The following PDZD8 variants were observed in gnomAD, a reference collection of about 807,000 sequenced individuals.
PDZD8 encodes PDZ domain containing 8.
Under a neutral mutation model 85.8 loss-of-function variants are expected in PDZD8, and 14 were observed. The observed-to-expected ratio is 0.16, with a 90% CI of 0.11 to 0.26. PDZD8 has a LOEUF of 0.26. PDZD8 is among the 10% of genes least tolerant of loss of function. The pLI is 1.00. For synonymous variants in PDZD8, 592 were observed against 568.6 expected, an observed-to-expected ratio of 1.04 and a Z score of -0.59; for missense variants, 1,197 against 1,424.3, an observed-to-expected ratio of 0.84 and a Z score of 2.57.
intron 1 of PDZD8, among the ~76,000 whole-genome samples, chr10:117,368,851 G>GTTTT (rs3034161): frequency 2.7e-4 from 27 of 99,066 alleles, no homozygotes; most frequent in Non-Finnish European, 4.0e-4. Context: ...TATTGACAAT[G>GTTTT]TTTTTTTTTT....
At chr10:117,356,492 G>A (rs1219424152) in intron 1 of PDZD8, among the ~76,000 whole-genome samples, 1 of 152,026 alleles carries the variant, frequency 6.6e-6, no homozygotes, top group Non-Finnish European at 1.5e-5. Flanking sequence ...AGTCTAATTA[G>A]ACCTGAGTCT....
rs1451075459 is a variant in PDZD8 at position 117,300,788 on chromosome 10, C to T, written c.1099-10440G>A. 3.3e-5 allele frequency among the ~76,000 whole-genome samples: 5 copies of T among 152,126 alleles called. 1 individual carries two copies. Among genetic ancestry groups the T allele is most frequent in the Non-Finnish European group, 5.9e-5 (4 of 68,024 alleles). On this transcript the variant is annotated intron_variant, in intron 3 of 4. Coordinates refer to ENST00000334464, the MANE Select transcript of PDZD8 (RefSeq NM_173791.5). The stretch of plus-strand genomic sequence containing the variant: ...AAGAAGCCTGAGAGAACACCCTTAT[C>T]CCTTCTGCCATGTGAGGACATAGGG...
intron 3 of PDZD8, among the ~76,000 whole-genome samples, chr10:117,312,090 C>A (rs1363418184): frequency 2.0e-5 from 3 of 152,042 alleles, no homozygotes; most frequent in Non-Finnish European, 4.4e-5. Flanking sequence ...CCTCTCATGG[C>A]ATACAGCAGG....
At chr10:117,307,300 A>G (rs1425347973) in intron 3 of PDZD8, among the ~76,000 whole-genome samples, 2 of 152,038 alleles carry the variant, frequency 1.3e-5, no homozygotes. Flanking sequence ...TATATAACTT[A>G]TCTTACACAG....
Position 117,285,043 on chromosome 10 carries a change from G to A in PDZD8, c.1690C>T (p.Pro564Ser), listed in dbSNP as rs1360687055. ...PKIQSKDGNK[P>S]PPLKTSEITD... Reference sequence around the variant, plus strand: ...ATCTCAGAAGTTTTTAGGGGTGGAGGTTTATTTCCATCTTTGGACTGAATT... The same window carrying A: ...ATCTCAGAAGTTTTTAGGGGTGGAGATTTATTTCCATCTTTGGACTGAATT... Residue 564 changes from proline (P) to serine (S), a missense_variant, in exon 5 of 5, where the codon CCT (proline) becomes TCT (serine). Pro to Ser is a moderately conservative substitution (Grantham distance 74). Coordinates refer to ENST00000334464, the MANE Select transcript of PDZD8 (RefSeq NM_173791.5). 1 of 1,613,850 alleles carries A rather than the reference G, an allele frequency of 6.2e-7. No individual in the cohort carries two copies. Among genetic ancestry groups the A allele is most frequent in the Non-Finnish European group, 8.5e-7 (1 of 1,179,800 alleles).
chr10:117,364,211 A>AGTGT (rs1364760339), intron 1 of PDZD8, among the ~76,000 whole-genome samples: 1 of 147,976 alleles, frequency 6.8e-6, no homozygotes, highest in African/African-American at 2.6e-5. Context: ...TGTGTGTGAG[A>AGTGT]GTGTGTGTGT....
chr10:117,285,879 G>C (rs1033585340), intron 4 of PDZD8: 1 of 304,690 alleles, frequency 3.3e-6, no homozygotes, highest in Non-Finnish European at 4.8e-6. Flanking sequence ...GGAAAGCTGT[G>C]ATTCCACTGA....
chr10:117,292,040 C>T (rs1844776801), intron 3 of PDZD8, among the ~76,000 whole-genome samples: 2 of 152,176 alleles, frequency 1.3e-5, no homozygotes, highest in African/African-American at 4.8e-5. Context: ...AAATATATCA[C>T]TGGCTGCACT....
At chr10:117,339,731 G>C (rs76320328) in intron 2 of PDZD8, among the ~76,000 whole-genome samples, 4,918 of 152,312 alleles carry the variant, frequency 0.032, 86 homozygotes, top group South Asian at 0.039. Flanking sequence ...GCAACAGAGA[G>C]CATGTGAATC....
intron 1 of PDZD8, among the ~76,000 whole-genome samples, chr10:117,370,918 TTGTGTGTGTG>T (rs71475194): frequency 6.8e-5 from 10 of 146,448 alleles, no homozygotes; most frequent in Admixed American, 1.4e-4. Context: ...ACAACATAGT[TTGTGTGTGTG>T]TGTGTGTGTG....
intron 1 of PDZD8, among the ~76,000 whole-genome samples, chr10:117,367,814 G>A (rs539781455): frequency 1.2e-4 from 18 of 152,170 alleles, no homozygotes; most frequent in African/African-American, 4.3e-4. Context: ...CACGCCTGTG[G>A]GAGGCTGAGG....
rs141567909 is a variant in PDZD8 at position 117,317,736 on chromosome 10, T to C, written c.1098+1136A>G. On this transcript the variant is annotated intron_variant, in intron 3 of 4. Coordinates refer to ENST00000334464, the MANE Select transcript of PDZD8 (RefSeq NM_173791.5). The stretch of plus-strand genomic sequence containing the variant: ...CTAGTTATTTCAATCTTCTGAGGAA[T>C]TGCTTCAAATTGTTTGAGATATAAC... Among the ~76,000 whole-genome samples the C allele has an allele frequency of 3.1e-3, 468 of 152,274 alleles. 6 individuals carry two copies. Among genetic ancestry groups the C allele is most frequent in the African/African-American group, 0.011 (447 of 41,534 alleles).
chr10:117,309,342 C>T (rs555878272), intron 3 of PDZD8, among the ~76,000 whole-genome samples: 2 of 151,756 alleles, frequency 1.3e-5, no homozygotes, highest in African/African-American at 4.8e-5. Context: ...AACCTCAAAG[C>T]ATTCAACTTA....
In PDZD8 at chr10:117,283,432, T is replaced by C. The variant is rs201848314; in HGVS notation, c.3301A>G (p.Ile1101Val). ...MIHYRAGIEDIETLESLSLDQ... is the reference protein window; with the variant it reads ...MIHYRAGIEDVETLESLSLDQ... ...AAAGACAGACTTTCTAAAGTTTCTA[T>C]ATCTTCAATGCCTGCTCTGTAGTGA... is the stretch of plus-strand genomic sequence containing the variant. Residue 1101 changes from isoleucine to valine, a missense_variant, in exon 5 of 5, where the codon ATA (isoleucine) becomes GTA (valine). By Grantham distance (29) the Ile-to-Val change is conservative (BLOSUM62 3). Transcript: ENST00000334464. 6.2e-7 allele frequency: 1 copy of C among 1,614,124 alleles called. No homozygotes were observed. Among genetic ancestry groups the C allele is most frequent in the East Asian group, 2.2e-5 (1 of 44,876 alleles).
In PDZD8 at chr10:117,285,377, A is replaced by T; in HGVS notation, c.1356T>A (p.Ser452Arg). Residue 452 changes from serine (S) to arginine (R), a missense_variant, in exon 5 of 5, where the codon AGT (serine) becomes AGA (arginine). Physicochemically the swap from Ser to Arg is moderately radical, Grantham distance 110 (BLOSUM62 -1). This residue lies in a region of PDZD8 where 263 missense variants were observed against 261.9 expected (regional missense o/e 1.00). Coordinates refer to ENST00000334464, the MANE Select transcript of PDZD8 (RefSeq NM_173791.5). ...LVYYERPVGQ[S>R]NQGAVLQDNF... ...TATCTTGCAGCACTGCACCTTGATT[A>T]CTCTGGCCAACAGGCCTTTCATAGT... 1 of 1,613,956 alleles carries T rather than the reference A, an allele frequency of 6.2e-7. No homozygotes were observed. The highest frequency in any genetic ancestry group is 8.5e-7 in the Non-Finnish European group (1 of 1,179,988).
chr10:117,296,495 G>C (rs1490476227), intron 3 of PDZD8, among the ~76,000 whole-genome samples: 1 of 152,040 alleles, frequency 6.6e-6, no homozygotes, highest in Non-Finnish European at 1.5e-5. Flanking sequence ...AGAAGAAATG[G>C]ACCAAGAACA....
At chr10:117,345,569 A>AG (rs776030038) in intron 1 of PDZD8, among the ~76,000 whole-genome samples, 4 of 152,184 alleles carry the variant, frequency 2.6e-5, no homozygotes, top group Non-Finnish European at 4.4e-5. Context: ...GCTCTGGGTA[A>AG]GGGGAGACCA....
At position 117,284,242 on chromosome 10, in the gene PDZD8, C is replaced by T. The variant is rs779220163; in HGVS notation, c.2491G>A (p.Val831Ile). Residue 831 changes from valine (V) to isoleucine (I), a missense_variant, in exon 5 of 5, where the codon GTT (valine) becomes ATT (isoleucine). By Grantham distance (29) the Val-to-Ile change is conservative. Around this residue, in one of 4 missense-constraint regions of PDZD8, gnomAD observed 418 missense variants for 571.1 expected, o/e 0.73. Transcript: ENST00000334464. ...VSVLPKEEQFVGQMGLTENKH... is the reference protein window; with the variant it reads ...VSVLPKEEQFIGQMGLTENKH... ...TTTTCTGTTAAACCCATCTGTCCAA[C>T]AAATTGCTCCTCTTTAGGGAGAACA... 35 of 1,614,072 alleles carry T rather than the reference C, an allele frequency of 2.2e-5. No homozygotes were observed. The highest frequency in any genetic ancestry group is 2.5e-5 in the Non-Finnish European group (30 of 1,180,038).
chr10:117,315,936 G>C (rs1331706349), intron 3 of PDZD8, among the ~76,000 whole-genome samples: 1 of 151,864 alleles, frequency 6.6e-6, no homozygotes, highest in Non-Finnish European at 1.5e-5. Context: ...TTCTTTCTTG[G>C]TGAAAGTTAA....
Sources: gnomAD v4.1 joint callset for allele counts (sites outside exome capture counted in the v4.1 genomes callset) on GRCh38, gnomAD v4.1.1 for gene constraint, gnomAD v4.1.1 regional missense constraint, MANE v1.5 for transcripts, NCBI Gene and HGNC (gene_info 2026-07-23, HGNC 2026-07-21) for gene names.